Variants in DOCK2 observed in about 807,000 individuals in gnomAD.
The protein encoded by DOCK2 is dedicator of cytokinesis 2, also known as dedicator of cytokinesis protein 2.
Under a neutral mutation model 248.9 loss-of-function variants are expected in DOCK2, and 87 were observed. The observed-to-expected ratio is 0.35, with a 90% CI of 0.29 to 0.42. The LOEUF (loss-of-function observed/expected upper bound fraction) is 0.42. Among genes scored for constraint, DOCK2 ranks in the 10% least tolerant of loss-of-function variants. The pLI is 1.00. For synonymous variants in DOCK2, 805 were observed against 821.6 expected (o/e 0.98, Z 0.35); for missense variants, 1,747 against 2,300.2 (o/e 0.76, Z 4.92).
At chr5:169,766,877 C>T (rs901524679) in intron 25 of DOCK2, among the ~76,000 whole-genome samples, 1 of 152,192 alleles carries the variant, frequency 6.6e-6, no homozygotes, top group African/African-American at 2.4e-5. Flanking sequence ...AAGAGATTCT[C>T]CTGCCTCAGC....
chr5:169,919,467 G>T (rs1262821511), intron 27 of DOCK2, among the ~76,000 whole-genome samples: 1 of 152,116 alleles, frequency 6.6e-6, no homozygotes, highest in Non-Finnish European at 1.5e-5. Context: ...ATCATTAATT[G>T]ACCCCAGGCT....
intron 25 of DOCK2, among the ~76,000 whole-genome samples, chr5:169,800,367 A>G (rs1193750659): frequency 6.6e-6 from 1 of 152,174 alleles, no homozygotes; most frequent in Non-Finnish European, 1.5e-5. Context: ...TCCTATTGCA[A>G]TATTATCCAC....
At chr5:169,747,350 T>C in intron 22 of DOCK2, 46 bp from the exon 23 acceptor site, 3 of 1,551,548 alleles carry the variant, frequency 1.9e-6, no homozygotes, top group Non-Finnish European at 2.6e-6. Flanking sequence ...CTTTTAAAAG[T>C]ATTGTCTGTT....
intron 27 of DOCK2, among the ~76,000 whole-genome samples, chr5:169,941,533 C>T (rs556608291): frequency 5.3e-5 from 8 of 152,094 alleles, no homozygotes; most frequent in Admixed American, 2.6e-4. Context: ...GGCCTGTGGG[C>T]TAGAAAGGAG....
intron 27 of DOCK2, among the ~76,000 whole-genome samples, chr5:169,904,402 CTA>C (rs1234721123): frequency 2.0e-5 from 3 of 152,172 alleles, no homozygotes; most frequent in Non-Finnish European, 4.4e-5. Flanking sequence ...ACCTACCTGT[CTA>C]TGGAATTTCT....
intron 33 of DOCK2, among the ~76,000 whole-genome samples, chr5:170,020,855 T>C (rs1468477230): frequency 6.6e-6 from 1 of 152,220 alleles, no homozygotes; most frequent in East Asian, 1.9e-4. Flanking sequence ...CAAGGTTAAA[T>C]ACCTTTGGAA....
intron 49 of DOCK2, 181 bp downstream of exon 49, chr5:170,079,327 CTGGGG>C: frequency 1.2e-5 from 9 of 760,904 alleles, no homozygotes; most frequent in South Asian, 1.8e-5. Flanking sequence ...GCCCAGGCAG[CTGGGG>C]TGGCTGGGAC....
At chr5:169,896,147 T>G in intron 27 of DOCK2, among the ~76,000 whole-genome samples, 1 of 148,356 alleles carries the variant, frequency 6.7e-6, no homozygotes, top group Non-Finnish European at 1.5e-5. Flanking sequence ...AGGCAGATGG[T>G]GAAAGAGCCA....
At chr5:169,999,722 G>A (rs1189640592) in intron 30 of DOCK2, among the ~76,000 whole-genome samples, 6 of 152,146 alleles carry the variant, frequency 3.9e-5, no homozygotes, top group Non-Finnish European at 5.9e-5. Flanking sequence ...CTCCCCCTGT[G>A]TAAGAATGGA....
chr5:170,034,388 C>A lies in DOCK2; in HGVS notation c.3468-11C>A, dbSNP rs919038850. On this transcript the variant is annotated splice_polypyrimidine_tract_variant and intron_variant, in intron 34 of 51. Coordinates refer to ENST00000520908, the MANE Select transcript of DOCK2 (RefSeq NM_004946.3). ...AGCCATGAGCTCACTGCCCTCTGGTCTCTGCCGCAGCCTGATGGAATGTGC... is the reference window on the plus strand; with the variant it reads ...AGCCATGAGCTCACTGCCCTCTGGTATCTGCCGCAGCCTGATGGAATGTGC... The A allele has an allele frequency of 1.9e-6, 3 of 1,613,802 alleles. No individual in the cohort carries two copies. The highest frequency in any genetic ancestry group is 2.5e-6 in the Non-Finnish European group (3 of 1,179,918).
intron 14 of DOCK2, among the ~76,000 whole-genome samples, chr5:169,706,130 C>T (rs1272964918): frequency 6.6e-6 from 1 of 152,248 alleles, no homozygotes; most frequent in African/African-American, 2.4e-5. Flanking sequence ...TGGCTTTTCT[C>T]TGACTGGTAC....
intron 27 of DOCK2, among the ~76,000 whole-genome samples, chr5:169,893,258 C>A (rs1276129216): frequency 2.6e-5 from 4 of 152,210 alleles, no homozygotes; most frequent in Admixed American, 6.5e-5. Flanking sequence ...GCTGCTGCTG[C>A]TGAATCTGAA....
At chr5:170,049,939 T>A (rs1756855388) in intron 40 of DOCK2, among the ~76,000 whole-genome samples, 1 of 152,170 alleles carries the variant, frequency 6.6e-6, no homozygotes, top group African/African-American at 2.4e-5. Flanking sequence ...TGTGGCCATG[T>A]ATATAGGAGA....
Position 170,015,567 on chromosome 5 carries a change from T to TGTTTGTTTG in DOCK2, c.3233-3393_3233-3392insGTTTGTTTG, listed in dbSNP as rs1554126073. ...CCCTTTTGAACTGATTTTAGGTTTT[T>TGTTTGTTTG]TTTGTTTGTTTGTTTGTTTGTTTTT... On this transcript the variant is annotated intron_variant, in intron 32 of 51. Coordinates refer to ENST00000520908, the MANE Select transcript of DOCK2 (RefSeq NM_004946.3). Among the ~76,000 whole-genome samples, 4 of 150,960 alleles carry TGTTTGTTTG rather than the reference T, an allele frequency of 2.6e-5. No individual in the cohort carries two copies. In the East Asian group the frequency reaches 7.8e-4, roughly 30 times the overall value.
intron 27 of DOCK2, among the ~76,000 whole-genome samples, chr5:169,847,781 C>T (rs1770400380): frequency 6.6e-6 from 1 of 152,096 alleles, no homozygotes; most frequent in Non-Finnish European, 1.5e-5. Context: ...CACATTGGCT[C>T]AGTGGGAAGA....
chr5:169,817,717 GT>G lies in DOCK2; in HGVS notation c.2703+14512del, dbSNP rs1189377563. On this transcript the variant is annotated intron_variant, in intron 26 of 51. Coordinates refer to ENST00000520908, the MANE Select transcript of DOCK2 (RefSeq NM_004946.3). ...TGACATAGGCCATCATTTACAGAAA[GT>G]GCTCTTCTGTGGGTGTCCTGTTTGT... Among the ~76,000 whole-genome samples the G allele has an allele frequency of 3.3e-5, 5 of 152,222 alleles. No individual in the cohort carries two copies. The East Asian group carries it at 9.6e-4, about 29-fold the overall frequency.
chr5:169,747,341 T>A (rs1428204223), intron 22 of DOCK2, 55 bp from the exon 23 acceptor site: 1 of 1,531,644 alleles, frequency 6.5e-7, no homozygotes. Flanking sequence ...TAGTACACAC[T>A]TTTAAAAGTA....
rs1777884901 is a variant in DOCK2, at chr5:169,980,021, G to C, written c.2800-3047G>C. Reference sequence around the variant, plus strand: ...TGAGATCCAAGGTTTGTTTTTCTTTGCTTTTTTTCCCCCTTCAAATTCAAA... The same window carrying C: ...TGAGATCCAAGGTTTGTTTTTCTTTCCTTTTTTTCCCCCTTCAAATTCAAA... On this transcript the variant is annotated intron_variant, in intron 27 of 51. Coordinates refer to ENST00000520908, the MANE Select transcript of DOCK2 (RefSeq NM_004946.3). Among the ~76,000 whole-genome samples, 3 of 152,040 alleles carry C rather than the reference G, an allele frequency of 2.0e-5. No homozygotes were observed. In the South Asian group the frequency reaches 6.2e-4, roughly 32 times the overall value.
intron 27 of DOCK2, among the ~76,000 whole-genome samples, chr5:169,889,725 A>G (rs1200262261): frequency 6.6e-6 from 1 of 152,256 alleles, no homozygotes; most frequent in Non-Finnish European, 1.5e-5. Context: ...GTGGCAAGAA[A>G]TAAGTCATAG....
Sources: allele counts gnomAD v4.1 joint callset (sites outside exome capture counted in the v4.1 genomes callset), GRCh38; gene constraint gnomAD v4.1.1; transcripts MANE v1.5; gene names NCBI Gene and HGNC (gene_info 2026-07-23, HGNC 2026-07-21).